AFG3L2: variants seen among roughly 807,000 people sequenced by gnomAD.
AFG3L2 encodes the protein AFG3 like matrix AAA peptidase subunit 2, also known as mitochondrial inner membrane m-AAA protease component AFG3L2.
AFG3L2 carries 54 observed loss-of-function variants against 94.5 expected under a neutral mutation model. The observed-to-expected ratio is 0.57, with a 90% CI of 0.46 to 0.72. The LOEUF (loss-of-function observed/expected upper bound fraction) is 0.72. Ranked by LOEUF, AFG3L2 falls within the 30% of genes least tolerant of loss-of-function variation. The pLI is 0.00. For missense variants in AFG3L2, 754 were observed against 994.9 expected (o/e 0.76, Z 3.26); for synonymous variants, 377 against 365.5 (o/e 1.03, Z -0.36).
chr18:12,337,585 G>T (rs1358735955), intron 15 of AFG3L2, 50 bp from the exon 16 acceptor site: 2 of 1,581,336 alleles, frequency 1.3e-6, no homozygotes, highest in South Asian at 2.2e-5. Context: ...TCTTTAACCA[G>T]ACAAAATCTA....
chr18:12,329,474 G>A lies in AFG3L2; in HGVS notation c.*91C>T, dbSNP rs1003861906. 2.3e-5 allele frequency: 31 copies of A among 1,335,364 alleles called. No individual in the cohort carries two copies. The highest frequency in any genetic ancestry group is 6.7e-5 in the Admixed American group (4 of 59,430). 82.7% of individuals were successfully genotyped at this position (1,335,364 alleles called of 1,614,324 possible). The stretch of plus-strand genomic sequence containing the variant: ...GGGCCAGTGGCTGGCTAAAATCAGC[G>A]CAGCATTCCCATTCTTCTGAAAGCC... On this transcript the variant is annotated 3_prime_UTR_variant, in exon 17 of 17. Coordinates refer to ENST00000269143, the MANE Select transcript of AFG3L2 (RefSeq NM_006796.3).
At chr18:12,360,865 C>A (rs1275105719) in intron 6 of AFG3L2, among the ~76,000 whole-genome samples, 1 of 152,126 alleles carries the variant, frequency 6.6e-6, no homozygotes, top group Non-Finnish European at 1.5e-5. Flanking sequence ...AACCAGTGTC[C>A]TAACCACAAT....
intron 16 of AFG3L2, among the ~76,000 whole-genome samples, chr18:12,331,569 G>A (rs1320218348): frequency 2.6e-5 from 4 of 152,088 alleles, no homozygotes; most frequent in Non-Finnish European, 4.4e-5. Flanking sequence ...TTGGGGCGGC[G>A]GATCACCTGA....
rs1295658528 is a variant in AFG3L2 at position 12,355,781 on chromosome 18, G to A, written c.1164+913C>T. Among the ~76,000 whole-genome samples the A allele has an allele frequency of 2.0e-5, 3 of 151,612 alleles. No homozygotes were observed. In the East Asian group the frequency reaches 5.8e-4, roughly 29 times the overall value. ...CCTCCCAGGTTCACGCCATTCTCCT[G>A]CCTCAGCCTCCCAAGTAGCTGGGAC... is the stretch of plus-strand genomic sequence containing the variant. On this transcript the variant is annotated intron_variant, in intron 9 of 16. Coordinates refer to ENST00000269143, the MANE Select transcript of AFG3L2 (RefSeq NM_006796.3).
chr18:12,363,805 G>C lies in AFG3L2; in HGVS notation c.604C>G (p.Pro202Ala). The change falls in exon 6 of 17, where the codon CCA becomes GCA. Residue 202 changes from proline to alanine, a missense_variant. By Grantham distance (27) the Pro-to-Ala change is conservative. Transcript: ENST00000269143. ...NKRFVRVTFT[P>A]GKTPVDGQYV... ...ACCCCATCAACAGGAGTTTTTCCTG[G>C]TGTAAAGGTCACTCGAACAAAACGC... The C allele has an allele frequency of 6.2e-7, 1 of 1,612,972 alleles. No individual in the cohort carries two copies. The highest frequency in any genetic ancestry group is 8.5e-7 in the Non-Finnish European group (1 of 1,179,686).
Position 12,347,233 on chromosome 18 carries a change from T to C in AFG3L2, c.1663+1040A>G, listed in dbSNP as rs981349567. Among the ~76,000 whole-genome samples, 9 of 152,358 alleles carry C rather than the reference T, an allele frequency of 5.9e-5. No individual in the cohort carries two copies. The East Asian group carries it at 1.5e-3, about 26-fold the overall frequency. On this transcript the variant is annotated intron_variant, in intron 13 of 16. Coordinates refer to ENST00000269143, the MANE Select transcript of AFG3L2 (RefSeq NM_006796.3). ...AGTCTTTGAGCTTAACATTCAAGAC[T>C]TTCCAAAACTGACCAGTTTACTCTC...
chr18:12,344,603 G>A (rs1322541912), intron 13 of AFG3L2, among the ~76,000 whole-genome samples: 1 of 152,042 alleles, frequency 6.6e-6, no homozygotes, highest in Non-Finnish European at 1.5e-5. Context: ...GAACCCAGGA[G>A]GCGGAGGTTG....
chr18:12,331,307 C>T lies in AFG3L2; in HGVS notation c.2176-1524G>A, dbSNP rs139880692. Among the ~76,000 whole-genome samples the T allele has an allele frequency of 3.0e-3, 451 of 152,248 alleles. 1 individual carries two copies. The highest frequency in any genetic ancestry group is 4.4e-3 in the Non-Finnish European group (299 of 68,016). ...TCAACTAACAGCAAACTCCTCAGAC[C>T]GTATCCCCATCATTAAGCAACACAT... On this transcript the variant is annotated intron_variant, in intron 16 of 16. Coordinates refer to ENST00000269143, the MANE Select transcript of AFG3L2 (RefSeq NM_006796.3).
At chr18:12,336,048 A>G (rs12954686) in intron 16 of AFG3L2, among the ~76,000 whole-genome samples, 101,552 of 152,058 alleles carry the variant, frequency 0.67, 35,361 homozygotes, top group Non-Finnish European at 0.77. Context: ...CACTGTCCTC[A>G]CTTGTTCCCG....
At chr18:12,348,430 C>T (rs1183577852) in intron 12 of AFG3L2, 47 bp from the exon 13 acceptor site, 2 of 1,459,648 alleles carry the variant, frequency 1.4e-6, no homozygotes, top group Non-Finnish European at 1.9e-6. Context: ...TACGCCCAAA[C>T]TGATCAGTCA....
At chr18:12,371,516 G>A in intron 2 of AFG3L2, 76 bp downstream of exon 2, 1 of 1,153,270 alleles carries the variant, frequency 8.7e-7, no homozygotes, top group Admixed American at 1.7e-5. Context: ...GTTGGAGGCA[G>A]GGGAATGGGT....
At chr18:12,331,808 A>AATATATATATATAT (rs35558132) in intron 16 of AFG3L2, among the ~76,000 whole-genome samples, 2 of 146,342 alleles carry the variant, frequency 1.4e-5, no homozygotes, top group African/African-American at 5.3e-5. Context: ...TAAATAAATA[A>AATATATATATATAT]ATATATATAT....
intron 14 of AFG3L2, 22 bp from the exon 15 acceptor site, chr18:12,340,423 T>C: frequency 1.3e-6 from 2 of 1,565,746 alleles, no homozygotes; most frequent in Non-Finnish European, 1.8e-6. Context: ...AAAACAGTGT[T>C]GAAGATCCTA....
At chr18:12,349,365 T>G (rs772095899) in intron 12 of AFG3L2, among the ~76,000 whole-genome samples, 1 of 152,090 alleles carries the variant, frequency 6.6e-6, no homozygotes, top group Non-Finnish European at 1.5e-5. Context: ...CCTCAAAAAG[T>G]TAGAGTTACC....
rs1907463124 is a variant in AFG3L2, at chr18:12,329,908, A to ATG, written c.2176-126_2176-125insCA. On this transcript the variant is annotated intron_variant, in intron 16 of 16. Coordinates refer to ENST00000269143, the MANE Select transcript of AFG3L2 (RefSeq NM_006796.3). ...TTAAGACCAATGAAAAAGATGTCTC[A>ATG]TACATAAGGTTGCATAGTTTTAGAG... 3 of 836,768 alleles carry ATG rather than the reference A, an allele frequency of 3.6e-6. No homozygotes were observed. The East Asian group carries it at 7.9e-5, about 22-fold the overall frequency. 51.8% of individuals were successfully genotyped at this position (836,768 alleles called of 1,614,324 possible). A position where few individuals can be genotyped will look rare whatever the true frequency, so the allele number is the denominator to read the frequency against.
At position 12,377,118 on chromosome 18, in the gene AFG3L2, CGCAGGCGCGG is replaced by C; in HGVS notation, c.-46_-37del. 1 of 1,353,022 alleles carries C rather than the reference CGCAGGCGCGG, an allele frequency of 7.4e-7. No individual in the cohort carries two copies. Among genetic ancestry groups the C allele is most frequent in the South Asian group, 1.5e-5 (1 of 65,730 alleles). 83.8% of individuals were successfully genotyped at this position (1,353,022 alleles called of 1,614,324 possible). A position where few individuals can be genotyped will look rare whatever the true frequency, so the allele number is the denominator to read the frequency against. ...GTGGCCCTCTCGGCCCGGGACGCTG[CGCAGGCGCGG>C]GCAGGCGACGACTGGCGGCCTCGGG... On this transcript the variant is annotated 5_prime_UTR_variant, in exon 1 of 17. Transcript: ENST00000269143.
At chr18:12,350,419 AG>A (rs1392044882) in intron 12 of AFG3L2, among the ~76,000 whole-genome samples, 2 of 150,654 alleles carry the variant, frequency 1.3e-5, no homozygotes, top group Non-Finnish European at 2.9e-5. Flanking sequence ...ATTTCAATAG[AG>A]CTTTTAAAAA....
At chr18:12,343,786 G>T in intron 14 of AFG3L2, 1 of 358,700 alleles carries the variant, frequency 2.8e-6, no homozygotes, top group Admixed American at 4.2e-5. Flanking sequence ...GGATAATAAA[G>T]ACTATGTCTC....
At chr18:12,361,426 A>C (rs372468977) in intron 6 of AFG3L2, among the ~76,000 whole-genome samples, 2 of 152,262 alleles carry the variant, frequency 1.3e-5, no homozygotes, top group African/African-American at 4.8e-5. Context: ...AGGCGGGTGG[A>C]TCACAAGGTC....
Sources: allele counts gnomAD v4.1 joint callset (sites outside exome capture counted in the v4.1 genomes callset), GRCh38; gene constraint gnomAD v4.1.1; transcripts MANE v1.5; gene names NCBI Gene and HGNC (gene_info 2026-07-23, HGNC 2026-07-21).